ASTN2: variants seen among roughly 807,000 people sequenced by gnomAD.
ASTN2 encodes astrotactin 2.
A neutral mutation model predicts 139.8 loss-of-function variants in ASTN2; 54 were observed. That is an observed-to-expected ratio of 0.39 (90% CI 0.31 to 0.48). The LOEUF is 0.48. ASTN2 is among the 20% of genes least tolerant of loss of function. The pLI is 0.95. For missense variants in ASTN2, 1,565 were observed against 1,725.1 expected (o/e 0.91, Z 1.64); for synonymous variants, 756 against 719.5 (o/e 1.05, Z -0.81).
At chr9:117,357,545 A>G (rs1193719610) in intron 1 of ASTN2, among the ~76,000 whole-genome samples, 1 of 151,784 alleles carries the variant, frequency 6.6e-6, no homozygotes, top group Non-Finnish European at 1.5e-5. Context: ...AATTGGAAAT[A>G]CTCCTGGATG....
At chr9:116,672,602 G>A (rs1859263933) in intron 16 of ASTN2, among the ~76,000 whole-genome samples, 1 of 152,148 alleles carries the variant, frequency 6.6e-6, no homozygotes. Context: ...TTACCAGGTG[G>A]TGCCTTTTGG....
At chr9:116,904,363 G>T (rs1421788604) in intron 10 of ASTN2, among the ~76,000 whole-genome samples, 1 of 152,170 alleles carries the variant, frequency 6.6e-6, no homozygotes, top group Non-Finnish European at 1.5e-5. Context: ...ATAACCATGA[G>T]GTGGCAGGTG....
intron 20 of ASTN2, among the ~76,000 whole-genome samples, chr9:116,468,093 A>C (rs1354045866): frequency 6.6e-6 from 1 of 152,178 alleles, no homozygotes; most frequent in East Asian, 1.9e-4. Context: ...GCCGTGAATG[A>C]CACTATCATT....
At chr9:116,475,163 T>C (rs370832999) in intron 20 of ASTN2, among the ~76,000 whole-genome samples, 1 of 152,180 alleles carries the variant, frequency 6.6e-6, no homozygotes, top group African/African-American at 2.4e-5. Flanking sequence ...ATGTAATAAT[T>C]AGGAGGTTTC....
intron 11 of ASTN2, among the ~76,000 whole-genome samples, chr9:116,846,863 C>T (rs1832445378): frequency 6.6e-6 from 1 of 152,086 alleles, no homozygotes; most frequent in African/African-American, 2.4e-5. Context: ...ATGCTTGAAG[C>T]TTTCCCCTAC....
intron 5 of ASTN2, among the ~76,000 whole-genome samples, chr9:117,066,409 A>T (rs1827945727): frequency 6.7e-6 from 1 of 148,208 alleles, no homozygotes; most frequent in Admixed American, 6.7e-5. Flanking sequence ...TTCTTAATCC[A>T]GTCTATCATT....
intron 19 of ASTN2, among the ~76,000 whole-genome samples, chr9:116,541,470 T>TG (rs1480949084): frequency 6.6e-6 from 1 of 152,188 alleles, no homozygotes; most frequent in Non-Finnish European, 1.5e-5. Flanking sequence ...GTTGCCATGG[T>TG]TTTCCTAGTT....
chr9:117,238,393 T>C (rs1465845560), intron 2 of ASTN2, among the ~76,000 whole-genome samples: 1 of 152,182 alleles, frequency 6.6e-6, no homozygotes, highest in African/African-American at 2.4e-5. Flanking sequence ...GTGACGTTGG[T>C]CAAGTCCTTG....
intron 13 of ASTN2, among the ~76,000 whole-genome samples, chr9:116,760,948 C>T (rs908557495): frequency 1.3e-5 from 2 of 152,294 alleles, no homozygotes; most frequent in African/African-American, 2.4e-5. Flanking sequence ...GGTGGGGAAA[C>T]GCAGCTTCTC....
chr9:117,284,568 T>C (rs1834401267), intron 2 of ASTN2, among the ~76,000 whole-genome samples: 2 of 152,226 alleles, frequency 1.3e-5, no homozygotes, highest in South Asian at 2.1e-4. Flanking sequence ...AGAAGGTGCA[T>C]GGTCTCACAG....
At chr9:117,349,308 T>A (rs1829318626) in intron 1 of ASTN2, among the ~76,000 whole-genome samples, 1 of 142,034 alleles carries the variant, frequency 7.0e-6, no homozygotes, top group South Asian at 2.7e-4. Context: ...GTTTGTTCCC[T>A]TATTAAATGA....
At position 117,105,210 on chromosome 9, in the gene ASTN2, G is replaced by C. The variant is rs200686749; in HGVS notation, c.1169-9059C>G. Among the ~76,000 whole-genome samples, 15 of 152,254 alleles carry C rather than the reference G, an allele frequency of 9.9e-5. No homozygotes were observed. In the East Asian group the frequency reaches 2.3e-3, roughly 24 times the overall value. On this transcript the variant is annotated intron_variant, in intron 4 of 22. Transcript: ENST00000313400. The stretch of plus-strand genomic sequence containing the variant: ...GTAACTCTAATCTACAGAATGCAGA[G>C]GAAGTGACTCTGCAGGATTTCTAGA...
intron 16 of ASTN2, among the ~76,000 whole-genome samples, chr9:116,689,885 A>G (rs1037293463): frequency 6.6e-6 from 1 of 152,140 alleles, no homozygotes; most frequent in Admixed American, 6.5e-5. Context: ...TTGAAAAAAC[A>G]CCTCATAGCA....
At chr9:117,108,099 A>T (rs1829152623) in intron 4 of ASTN2, among the ~76,000 whole-genome samples, 1 of 152,198 alleles carries the variant, frequency 6.6e-6, no homozygotes, top group Admixed American at 6.5e-5. Context: ...AATTAAGTTG[A>T]TGCTGATATC....
At chr9:116,951,109 G>A (rs1212826231) in intron 10 of ASTN2, among the ~76,000 whole-genome samples, 1 of 151,896 alleles carries the variant, frequency 6.6e-6, no homozygotes, top group Non-Finnish European at 1.5e-5. Flanking sequence ...AGGCTGAGGT[G>A]GGTGGATCAC....
At chr9:116,491,240 C>A (rs551650147) in intron 19 of ASTN2, among the ~76,000 whole-genome samples, 2 of 152,116 alleles carry the variant, frequency 1.3e-5, no homozygotes, top group Non-Finnish European at 2.9e-5. Context: ...ACATCTAGTA[C>A]TTATTTTTCT....
chr9:116,811,802 A>G (rs1472920369), intron 12 of ASTN2, among the ~76,000 whole-genome samples: 1 of 152,220 alleles, frequency 6.6e-6, no homozygotes, highest in Non-Finnish European at 1.5e-5. Flanking sequence ...TTAGTCCATT[A>G]ACCCATTTAC....
chr9:117,025,761 G>C (rs1284584994), intron 6 of ASTN2, among the ~76,000 whole-genome samples: 1 of 151,474 alleles, frequency 6.6e-6, no homozygotes, highest in East Asian at 1.9e-4. Context: ...ATTTGTAAAG[G>C]TTCTAATATT....
intron 3 of ASTN2, among the ~76,000 whole-genome samples, chr9:117,159,351 C>A (rs1451459885): frequency 1.3e-5 from 2 of 151,922 alleles, no homozygotes; most frequent in Non-Finnish European, 2.9e-5. Context: ...CCAACTAGTG[C>A]TGCATGCTTA....
Sources: allele counts gnomAD v4.1 joint callset (sites outside exome capture counted in the v4.1 genomes callset), GRCh38; gene constraint gnomAD v4.1.1; transcripts MANE v1.5; gene names NCBI Gene and HGNC (gene_info 2026-07-23, HGNC 2026-07-21).